The following GNA14 variants were observed in gnomAD, a reference collection of about 807,000 sequenced individuals.
GNA14 encodes the protein guanine nucleotide-binding protein subunit alpha-14.
In GNA14, 50 loss-of-function variants were observed where a neutral mutation model predicts 42.0. The ratio of observed to expected loss-of-function variants is 1.19; its 90% CI spans 0.95 to 1.51. GNA14 has a LOEUF of 1.51. Ranked by LOEUF, GNA14 falls within the 40% of genes most tolerant of loss-of-function variation. GNA14 has a pLI of 0.00. For missense variants in GNA14, 473 were observed against 446.2 expected, an observed-to-expected ratio of 1.06 and a Z score of -0.54; for synonymous variants, 173 against 163.1, an observed-to-expected ratio of 1.06 and a Z score of -0.46.
rs1181524173 is a variant in GNA14, at chr9:77,553,680, C to G, written c.125-24427G>C. 2.0e-5 allele frequency among the ~76,000 whole-genome samples: 3 copies of G among 152,088 alleles called. No homozygotes were observed. In the East Asian group the frequency reaches 5.9e-4, roughly 30 times the overall value. On this transcript the variant is annotated intron_variant, in intron 1 of 6. Coordinates refer to ENST00000341700, the MANE Select transcript of GNA14 (RefSeq NM_004297.4). Reference sequence around the variant, plus strand: ...GCATATGAGAAAACAGACACCCATTCCCACTTATTTGTGTGCACAGCAAGA... The same window carrying G: ...GCATATGAGAAAACAGACACCCATTGCCACTTATTTGTGTGCACAGCAAGA...
intron 2 of GNA14, among the ~76,000 whole-genome samples, chr9:77,489,694 G>C (rs542516008): frequency 1.3e-5 from 2 of 152,000 alleles, no homozygotes; most frequent in African/African-American, 2.4e-5. Flanking sequence ...GCAGACCTTC[G>C]CGGTGAGTGT....
At chr9:77,580,887 T>C (rs1251249616) in intron 1 of GNA14, among the ~76,000 whole-genome samples, 1 of 152,040 alleles carries the variant, frequency 6.6e-6, no homozygotes, top group Non-Finnish European at 1.5e-5. Context: ...AGGTAATCTT[T>C]TAAAAGAATC....
At chr9:77,486,387 G>C (rs1424622795) in intron 2 of GNA14, among the ~76,000 whole-genome samples, 1 of 152,186 alleles carries the variant, frequency 6.6e-6, no homozygotes, top group African/African-American at 2.4e-5. Flanking sequence ...ACAGCTGTTT[G>C]ATCTTCTATC....
chr9:77,431,475 ACT>A (rs778057978), intron 3 of GNA14, 26 bp from the exon 4 acceptor site: 17 of 1,580,268 alleles, frequency 1.1e-5, no homozygotes, highest in Non-Finnish European at 1.5e-5. Flanking sequence ...CGAGGAACTG[ACT>A]CTCCTTTTAG....
At chr9:77,603,051 G>A (rs1823593177) in intron 1 of GNA14, among the ~76,000 whole-genome samples, 1 of 152,168 alleles carries the variant, frequency 6.6e-6, no homozygotes, top group Non-Finnish European at 1.5e-5. Context: ...GTTGTACCAG[G>A]CTTCCAACAA....
At chr9:77,621,163 G>C (rs1266694181) in intron 1 of GNA14, among the ~76,000 whole-genome samples, 1 of 151,980 alleles carries the variant, frequency 6.6e-6, no homozygotes, top group Non-Finnish European at 1.5e-5. Flanking sequence ...CAAACTCCTG[G>C]ACTCAAGCAA....
chr9:77,473,015 T>G (rs573648294), intron 2 of GNA14, among the ~76,000 whole-genome samples: 130 of 152,336 alleles, frequency 8.5e-4, no homozygotes, highest in South Asian at 1.4e-3. Flanking sequence ...CTAAAACAAC[T>G]AGTAATCAAC....
At chr9:77,478,940 T>G (rs904220509) in intron 2 of GNA14, among the ~76,000 whole-genome samples, 1 of 152,214 alleles carries the variant, frequency 6.6e-6, no homozygotes, top group Non-Finnish European at 1.5e-5. Context: ...CTTTGTCAGA[T>G]GAGTAGGTTG....
At chr9:77,435,818 T>C (rs1434717961) in intron 2 of GNA14, among the ~76,000 whole-genome samples, 1 of 152,282 alleles carries the variant, frequency 6.6e-6, no homozygotes, top group East Asian at 1.9e-4. Flanking sequence ...AGACTCAGCA[T>C]CCTTTCCTTG....
At chr9:77,449,788 G>C (rs766332267) in intron 2 of GNA14, among the ~76,000 whole-genome samples, 10 of 152,220 alleles carry the variant, frequency 6.6e-5, no homozygotes, top group Admixed American at 6.5e-4. Context: ...AGGTATAGCC[G>C]AGGCTGAGCT....
intron 2 of GNA14, among the ~76,000 whole-genome samples, chr9:77,528,168 A>G (rs1011045994): frequency 1.3e-5 from 2 of 152,206 alleles, no homozygotes; most frequent in Non-Finnish European, 2.9e-5. Flanking sequence ...TATAGGTGCC[A>G]CAAGTTCATA....
At chr9:77,456,685 C>G (rs1171332571) in intron 2 of GNA14, among the ~76,000 whole-genome samples, 1 of 152,142 alleles carries the variant, frequency 6.6e-6, no homozygotes, top group Non-Finnish European at 1.5e-5. Flanking sequence ...GTATGAAAAA[C>G]TAGAGTTGAT....
intron 1 of GNA14, among the ~76,000 whole-genome samples, chr9:77,625,748 A>G (rs535819791): frequency 2.0e-4 from 31 of 152,334 alleles, no homozygotes; most frequent in African/African-American, 6.3e-4. Flanking sequence ...CTAAATATGG[A>G]AAGGAAAAAC....
intron 1 of GNA14, among the ~76,000 whole-genome samples, chr9:77,602,519 C>G (rs1336610846): frequency 6.6e-6 from 1 of 151,798 alleles, no homozygotes; most frequent in Admixed American, 6.6e-5. Flanking sequence ...TCCCGACCCA[C>G]CCCTGGGAGA....
intron 1 of GNA14, among the ~76,000 whole-genome samples, chr9:77,558,953 A>G (rs113600785): frequency 0.014 from 2,179 of 152,014 alleles, 53 homozygotes; most frequent in African/African-American, 0.049. Flanking sequence ...AAAAACAAAC[A>G]AACAAAAAAC....
chr9:77,424,165 CG>C lies in GNA14; in HGVS notation c.881del (p.Pro294ArgfsTer13). The C allele has an allele frequency of 6.2e-7, 1 of 1,602,864 alleles. No individual in the cohort carries two copies. Among genetic ancestry groups the C allele is most frequent in the South Asian group, 1.1e-5 (1 of 89,168 alleles). On this transcript the variant is annotated frameshift_variant, in exon 7 of 7. Transcript: ENST00000341700. LOFTEE classifies it high-confidence loss of function. ...CTCTGGCAGCTCTGACATCCTGTTT[CG>C]GTCCTAGTCACAAGTGCAATTACAG... is the stretch of plus-strand genomic sequence containing the variant. ...LISYFPEYTG[P>X]KQDVRAARDF...
intron 1 of GNA14, among the ~76,000 whole-genome samples, chr9:77,582,659 C>A (rs774053932): frequency 6.6e-6 from 1 of 152,208 alleles, no homozygotes; most frequent in Non-Finnish European, 1.5e-5. Context: ...CCAGCTGCCA[C>A]AAGATTTAAT....
intron 5 of GNA14, among the ~76,000 whole-genome samples, chr9:77,426,774 A>G (rs1005675266): frequency 1.3e-5 from 2 of 152,356 alleles, no homozygotes; most frequent in Middle Eastern, 3.4e-3. Flanking sequence ...ATCTGTGACA[A>G]TAATTGTTCT....
At chr9:77,507,861 T>G (rs7036110) in intron 2 of GNA14, among the ~76,000 whole-genome samples, 2 of 151,872 alleles carry the variant, frequency 1.3e-5, no homozygotes, top group South Asian at 2.1e-4. Context: ...CACTCATCAC[T>G]GCGCCCACCA....
Sources: gnomAD v4.1 joint callset for allele counts (sites outside exome capture counted in the v4.1 genomes callset) on GRCh38, gnomAD v4.1.1 for gene constraint, MANE v1.5 for transcripts, NCBI Gene and HGNC (gene_info 2026-07-23, HGNC 2026-07-21) for gene names.